The following MCTP1 variants were observed in gnomAD, a reference collection of about 807,000 sequenced individuals.
The protein encoded by MCTP1 is multiple C2 and transmembrane domain-containing protein 1.
MCTP1 carries 69 observed loss-of-function variants against 120.6 expected under a neutral mutation model. That is an observed-to-expected ratio of 0.57 (90% CI 0.47 to 0.70). The LOEUF (loss-of-function observed/expected upper bound fraction) is 0.70. Ranked by LOEUF, MCTP1 falls within the 30% of genes least tolerant of loss-of-function variation. The pLI, the probability that MCTP1 is intolerant of heterozygous loss-of-function variation, is 0.00. For missense variants in MCTP1, 1,203 were observed against 1,248.8 expected, an observed-to-expected ratio of 0.96 and a Z score of 0.55; for synonymous variants, 529 against 493.1, an observed-to-expected ratio of 1.07 and a Z score of -0.96.
At chr5:94,752,491 C>T (rs1768726191) in intron 19 of MCTP1, among the ~76,000 whole-genome samples, 1 of 152,080 alleles carries the variant, frequency 6.6e-6, no homozygotes, top group African/African-American at 2.4e-5. Context: ...CTAAAATTCT[C>T]AAACTCAGGT....
chr5:94,900,899 G>A (rs1036682549), intron 10 of MCTP1, among the ~76,000 whole-genome samples: 1 of 152,164 alleles, frequency 6.6e-6, no homozygotes. Context: ...AAAGTACTTT[G>A]AAAAGTTGAA....
At chr5:95,199,596 A>T (rs1323847211) in intron 1 of MCTP1, among the ~76,000 whole-genome samples, 1 of 152,112 alleles carries the variant, frequency 6.6e-6, no homozygotes, top group African/African-American at 2.4e-5. Flanking sequence ...GGTGGCTCAC[A>T]TCTGTGATCC....
intron 2 of MCTP1, among the ~76,000 whole-genome samples, chr5:95,007,543 A>G (rs1037791665): frequency 1.3e-5 from 2 of 152,314 alleles, no homozygotes; most frequent in Middle Eastern, 3.4e-3. Context: ...ATTACATTCT[A>G]AGGATAAAAT....
intron 11 of MCTP1, among the ~76,000 whole-genome samples, chr5:94,889,202 A>G (rs1801988540): frequency 6.6e-6 from 1 of 152,172 alleles, no homozygotes; most frequent in South Asian, 2.1e-4. Flanking sequence ...TATTTATTTC[A>G]AAAGACTTAT....
intron 2 of MCTP1, chr5:94,979,221 G>C (rs1828852153): frequency 6.6e-6 from 1 of 152,018 alleles, no homozygotes; most frequent in East Asian, 1.9e-4. Context: ...TATGGACATG[G>C]GGATTTCAGA....
intron 1 of MCTP1, among the ~76,000 whole-genome samples, chr5:95,043,107 C>A (rs1050951887): frequency 6.6e-6 from 1 of 152,122 alleles, no homozygotes; most frequent in Non-Finnish European, 1.5e-5. Context: ...TACATTCCTA[C>A]GGACAGTGAG....
At chr5:95,004,172 T>G (rs1193036070) in intron 2 of MCTP1, among the ~76,000 whole-genome samples, 1 of 152,174 alleles carries the variant, frequency 6.6e-6, no homozygotes, top group Non-Finnish European at 1.5e-5. Flanking sequence ...TTGAGAGAGA[T>G]AATTTAGGGT....
intron 1 of MCTP1, among the ~76,000 whole-genome samples, chr5:95,078,484 C>CGTT (rs1562122292): frequency 6.6e-6 from 1 of 152,110 alleles, no homozygotes; most frequent in African/African-American, 2.4e-5. Flanking sequence ...ACATATTTTG[C>CGTT]GTTAATAAAA....
intron 1 of MCTP1, among the ~76,000 whole-genome samples, chr5:95,041,487 A>G (rs886597482): frequency 6.6e-6 from 1 of 152,164 alleles, no homozygotes; most frequent in Middle Eastern, 3.2e-3. Flanking sequence ...TTTAATATCA[A>G]AAGTTTTTAA....
At chr5:94,842,781 G>A (rs1791430741) in intron 17 of MCTP1, among the ~76,000 whole-genome samples, 1 of 152,114 alleles carries the variant, frequency 6.6e-6, no homozygotes, top group African/African-American at 2.4e-5. Flanking sequence ...ACTGAAACAT[G>A]ATAGAAATAA....
chr5:94,847,682 G>GTGTGTGTATATATATATA (rs1169588105), intron 17 of MCTP1, among the ~76,000 whole-genome samples: 3 of 102,404 alleles, frequency 2.9e-5, no homozygotes, highest in African/African-American at 1.1e-4. Flanking sequence ...GTGTGTGTGT[G>GTGTGTGTATATATATATA]TATATATATA....
At chr5:95,013,377 A>G (rs1483774232) in intron 2 of MCTP1, among the ~76,000 whole-genome samples, 1 of 152,200 alleles carries the variant, frequency 6.6e-6, no homozygotes, top group Non-Finnish European at 1.5e-5. Context: ...AATGTAGATG[A>G]AACAGCCTTC....
At chr5:95,198,883 A>G (rs1750685291) in intron 1 of MCTP1, among the ~76,000 whole-genome samples, 1 of 152,238 alleles carries the variant, frequency 6.6e-6, no homozygotes, top group South Asian at 2.1e-4. Flanking sequence ...GGCAATTTGT[A>G]GGGAGACATT....
At chr5:94,905,226 A>C (rs917588587) in intron 10 of MCTP1, among the ~76,000 whole-genome samples, 4 of 152,124 alleles carry the variant, frequency 2.6e-5, no homozygotes, top group African/African-American at 9.7e-5. Flanking sequence ...GCTGAAAGTG[A>C]ATGAAGGACG....
At chr5:94,803,290 C>T (rs1781575385) in intron 17 of MCTP1, among the ~76,000 whole-genome samples, 1 of 152,136 alleles carries the variant, frequency 6.6e-6, no homozygotes, top group African/African-American at 2.4e-5. Flanking sequence ...AGAAAAAGAA[C>T]ATTGAGAGTT....
chr5:95,018,514 T>C (rs556365927), intron 1 of MCTP1, among the ~76,000 whole-genome samples: 5 of 150,342 alleles, frequency 3.3e-5, no homozygotes, highest in African/African-American at 9.7e-5. Flanking sequence ...TTTTTTTTTT[T>C]TGAGGTTTTA....
chr5:95,094,662 C>T (rs985877044), intron 1 of MCTP1, among the ~76,000 whole-genome samples: 3 of 152,220 alleles, frequency 2.0e-5, no homozygotes, highest in East Asian at 1.9e-4. Context: ...TCTTCATAAG[C>T]GGATAACATA....
At chr5:94,892,437 G>A (rs1389985896) in intron 11 of MCTP1, among the ~76,000 whole-genome samples, 1 of 152,018 alleles carries the variant, frequency 6.6e-6, no homozygotes, top group Non-Finnish European at 1.5e-5. Context: ...TTCTGAAAAG[G>A]TCATACAATT....
chr5:94,804,531 C>T (rs1465806839), intron 17 of MCTP1, among the ~76,000 whole-genome samples: 7 of 152,062 alleles, frequency 4.6e-5, no homozygotes, highest in African/African-American at 1.7e-4. Flanking sequence ...CTCTGCCTCC[C>T]AGGTTCATGC....
Sources: gnomAD v4.1 joint callset for allele counts (sites outside exome capture counted in the v4.1 genomes callset) on GRCh38, gnomAD v4.1.1 for gene constraint, MANE v1.5 for transcripts, NCBI Gene and HGNC (gene_info 2026-07-23, HGNC 2026-07-21) for gene names.